Variants in SLMAP observed in about 807,000 individuals in gnomAD.
SLMAP encodes the protein sarcolemma associated protein.
A neutral mutation model predicts 128.8 loss-of-function variants in SLMAP; 44 were observed. The observed-to-expected ratio is 0.34, with a 90% CI of 0.27 to 0.44. The LOEUF (loss-of-function observed/expected upper bound fraction) is 0.44. Ranked by LOEUF, SLMAP falls within the 20% of genes least tolerant of loss-of-function variation. The probability of loss-of-function intolerance (pLI) is 1.00; values close to 1 mark genes in which losing one functional copy is unlikely to be tolerated. For synonymous variants in SLMAP, 327 were observed against 348.8 expected, an observed-to-expected ratio of 0.94 and a Z score of 0.70; for missense variants, 787 against 985.3, an observed-to-expected ratio of 0.80 and a Z score of 2.69.
At chr3:57,902,108 CA>C (rs1386657255) in intron 17 of SLMAP, 1 of 152,092 alleles carries the variant, frequency 6.6e-6, no homozygotes, top group African/African-American at 2.4e-5. Context: ...TCAAACAATT[CA>C]ACTGTAAAAT....
chr3:57,861,974 A>C lies in SLMAP; in HGVS notation c.854A>C (p.Glu285Ala). ...CGAAGTCTGAGTAATACTGAAGATGAATGTACCCATCTGAAAGAAATGAAT... is the reference window on the plus strand; with the variant it reads ...CGAAGTCTGAGTAATACTGAAGATGCATGTACCCATCTGAAAGAAATGAAT... ...VERSLSNTED[E>A]CTHLKEMNER... The change falls in exon 10 of 25, where the codon GAA becomes GCA. Residue 285 changes from glutamate to alanine, a missense_variant. This residue lies in a region of SLMAP where 715 missense variants were observed against 843.6 expected (regional missense o/e 0.85). Coordinates refer to ENST00000671191, the MANE Select transcript of SLMAP (RefSeq NM_001377540.1). The C allele has an allele frequency of 3.1e-6, 5 of 1,612,246 alleles. No homozygotes were observed. The highest frequency in any genetic ancestry group is 4.2e-6 in the Non-Finnish European group (5 of 1,178,406).
intron 14 of SLMAP, among the ~76,000 whole-genome samples, chr3:57,885,699 A>G (rs1400090131): frequency 2.7e-5 from 4 of 149,404 alleles, no homozygotes; most frequent in Non-Finnish European, 4.4e-5. Flanking sequence ...GATTACAGGC[A>G]TGAGCTACCG....
At chr3:57,776,219 A>G (rs2081904299) in intron 2 of SLMAP, among the ~76,000 whole-genome samples, 1 of 152,152 alleles carries the variant, frequency 6.6e-6, no homozygotes, top group African/African-American at 2.4e-5. Context: ...CTTAGTTATT[A>G]AGTGCTGTAG....
intron 3 of SLMAP, among the ~76,000 whole-genome samples, chr3:57,834,054 A>C (rs1338989462): frequency 6.6e-6 from 1 of 152,210 alleles, no homozygotes; most frequent in Non-Finnish European, 1.5e-5. Context: ...AGGAAATCAA[A>C]AGGGAAATTT....
At chr3:57,816,285 A>G (rs981373805) in intron 2 of SLMAP, among the ~76,000 whole-genome samples, 4 of 152,104 alleles carry the variant, frequency 2.6e-5, no homozygotes, top group Non-Finnish European at 4.4e-5. Flanking sequence ...CTGGGATTAT[A>G]GGTGTGTGCC....
chr3:57,761,661 G>C (rs1348331518), intron 2 of SLMAP, among the ~76,000 whole-genome samples: 1 of 152,136 alleles, frequency 6.6e-6, no homozygotes, highest in Non-Finnish European at 1.5e-5. Flanking sequence ...GTTTACCTGG[G>C]CGGTCGACAA....
intron 2 of SLMAP, among the ~76,000 whole-genome samples, chr3:57,818,578 A>G (rs1185851260): frequency 1.3e-5 from 2 of 152,240 alleles, no homozygotes; most frequent in Non-Finnish European, 2.9e-5. Flanking sequence ...TAAGCACTCA[A>G]AAACTGGCAA....
At chr3:57,822,681 G>A (rs2092618212) in intron 2 of SLMAP, among the ~76,000 whole-genome samples, 1 of 152,162 alleles carries the variant, frequency 6.6e-6, no homozygotes, top group East Asian at 1.9e-4. Context: ...CCAGGTGGGC[G>A]TTTGGGACCT....
chr3:57,834,914 T>G (rs1560163761), intron 3 of SLMAP, among the ~76,000 whole-genome samples: 1 of 151,662 alleles, frequency 6.6e-6, no homozygotes, highest in African/African-American at 2.4e-5. Flanking sequence ...TTGAGCCAAG[T>G]AGGTTGATAC....
intron 15 of SLMAP, among the ~76,000 whole-genome samples, chr3:57,895,460 G>A (rs1382053651): frequency 6.6e-6 from 1 of 151,792 alleles, no homozygotes; most frequent in African/African-American, 2.4e-5. Flanking sequence ...TCAGCCTCCC[G>A]AGTAGCTGGG....
chr3:57,858,104 A>G lies in SLMAP; in HGVS notation c.632A>G (p.Asp211Gly). 6.3e-7 allele frequency: 1 copy of G among 1,593,910 alleles called. No homozygotes were observed. The highest frequency in any genetic ancestry group is 8.6e-7 in the Non-Finnish European group (1 of 1,161,758). ...CTTCAATAGGCTTTAATAGATGAAG[A>G]TAGACTCTTATCACGGTTAGAAGTT... is the stretch of plus-strand genomic sequence containing the variant. Reference protein sequence around the residue: ...DTSWQALIDEDRLLSRLEVMG... With the variant: ...DTSWQALIDEGRLLSRLEVMG... Residue 211 changes from aspartate (D) to glycine (G), a missense_variant, in exon 8 of 25, where the codon GAT becomes GGT. Transcript: ENST00000671191.
At chr3:57,891,213 A>G (rs1390637347) in intron 15 of SLMAP, 1 of 152,186 alleles carries the variant, frequency 6.6e-6, no homozygotes, top group East Asian at 1.9e-4. Context: ...TAGGAAAAAA[A>G]AAAAAAATGC....
chr3:57,847,354 A>G (rs2094304539), intron 5 of SLMAP, 121 bp downstream of exon 5: 4 of 602,522 alleles, frequency 6.6e-6, no homozygotes, highest in South Asian at 2.4e-5. Flanking sequence ...TGTAGAATGC[A>G]TATAGCTATA....
chr3:57,921,018 A>T (rs1055756932), intron 22 of SLMAP, among the ~76,000 whole-genome samples: 4 of 151,640 alleles, frequency 2.6e-5, no homozygotes, highest in Admixed American at 2.0e-4. Flanking sequence ...CTCAGTCTAA[A>T]AAAAAAAAAG....
At chr3:57,776,427 T>A (rs756206354) in intron 2 of SLMAP, among the ~76,000 whole-genome samples, 6 of 152,000 alleles carry the variant, frequency 3.9e-5, no homozygotes, top group Middle Eastern at 3.2e-3. Context: ...CAGAATTGAG[T>A]GATAGATCAA....
chr3:57,780,603 A>T (rs1434892019), intron 2 of SLMAP, among the ~76,000 whole-genome samples: 1 of 152,026 alleles, frequency 6.6e-6, no homozygotes, highest in East Asian at 1.9e-4. Context: ...ATCAAGCTAT[A>T]CACTTTTGAT....
intron 5 of SLMAP, among the ~76,000 whole-genome samples, chr3:57,847,599 G>A (rs935675547): frequency 2.6e-5 from 4 of 152,160 alleles, no homozygotes; most frequent in African/African-American, 9.7e-5. Flanking sequence ...TCCCAATACA[G>A]GGAGGTAATA....
intron 22 of SLMAP, among the ~76,000 whole-genome samples, chr3:57,919,040 T>C (rs1264469133): frequency 1.3e-5 from 2 of 152,230 alleles, no homozygotes; most frequent in African/African-American, 2.4e-5. Flanking sequence ...AATTTATATA[T>C]GTGGCAGCTT....
chr3:57,927,243 T>TA (rs754942411), intron 24 of SLMAP, 53 bp from the exon 25 acceptor site: 24 of 1,149,638 alleles, frequency 2.1e-5, no homozygotes, highest in Non-Finnish European at 3.0e-5. Context: ...GGTTAATAGG[T>TA]ATGAAAAGAG....
Sources: allele counts gnomAD v4.1 joint callset (sites outside exome capture counted in the v4.1 genomes callset), GRCh38; gene constraint gnomAD v4.1.1; regional missense constraint gnomAD v4.1.1; transcripts MANE v1.5; gene names NCBI Gene and HGNC (gene_info 2026-07-23, HGNC 2026-07-21).